Variants in MCC observed in about 807,000 individuals in gnomAD.
The protein encoded by MCC is colorectal mutant cancer protein.
A neutral mutation model predicts 116.2 loss-of-function variants in MCC; 90 were observed. The ratio of observed to expected loss-of-function variants is 0.77; its 90% confidence interval spans 0.65 to 0.92. MCC has a LOEUF of 0.92. Among genes scored for constraint, MCC ranks in the 40% least tolerant of loss-of-function variants. The pLI, the probability that MCC is intolerant of heterozygous loss-of-function variation, is 0.00. For synonymous variants in MCC, 578 were observed against 510.5 expected (o/e 1.13, Z -1.78); for missense variants, 1,516 against 1,312.2 (o/e 1.16, Z -2.40).
At chr5:113,321,188 T>G (rs1767414651) in intron 3 of MCC, among the ~76,000 whole-genome samples, 1 of 152,234 alleles carries the variant, frequency 6.6e-6, no homozygotes, top group Non-Finnish European at 1.5e-5. Context: ...AATATAGAAT[T>G]TCTGTTTTTA....
intron 1 of MCC, among the ~76,000 whole-genome samples, chr5:113,456,304 C>T (rs918635827): frequency 3.3e-5 from 5 of 152,162 alleles, no homozygotes; most frequent in Non-Finnish European, 7.3e-5. Flanking sequence ...GAAATTAAAT[C>T]CTTTTATATG....
At chr5:113,215,606 G>A (rs984590931) in intron 3 of MCC, among the ~76,000 whole-genome samples, 8 of 152,146 alleles carry the variant, frequency 5.3e-5, no homozygotes, top group African/African-American at 1.9e-4. Context: ...CCTTCTGCCT[G>A]CCATCAAGTG....
chr5:113,132,453 C>CATATAT (rs1561385323), intron 5 of MCC, among the ~76,000 whole-genome samples: 2 of 128,376 alleles, frequency 1.6e-5, no homozygotes, highest in African/African-American at 3.4e-5. Flanking sequence ...TACACACACA[C>CATATAT]ACACACACAC....
chr5:113,103,906 A>G (rs940364890), intron 7 of MCC, among the ~76,000 whole-genome samples: 1 of 152,204 alleles, frequency 6.6e-6, no homozygotes, highest in Non-Finnish European at 1.5e-5. Flanking sequence ...CCACTCTAAA[A>G]TGACGTGGTT....
intron 3 of MCC, among the ~76,000 whole-genome samples, chr5:113,202,587 C>T (rs1180873041): frequency 6.6e-6 from 1 of 152,128 alleles, no homozygotes; most frequent in Admixed American, 6.5e-5. Context: ...GACACAAAAA[C>T]ACACACGCTT....
At chr5:113,140,035 A>G (rs950718137) in intron 5 of MCC, among the ~76,000 whole-genome samples, 22 of 152,244 alleles carry the variant, frequency 1.4e-4, no homozygotes, top group Admixed American at 3.3e-4. Flanking sequence ...TCAAAGGTCT[A>G]TCCAGCATCT....
chr5:113,030,710 G>C (rs1750895433), intron 17 of MCC, among the ~76,000 whole-genome samples: 1 of 152,090 alleles, frequency 6.6e-6, no homozygotes, highest in African/African-American at 2.4e-5. Context: ...CCATGCACTG[G>C]CATGGGAGGA....
At chr5:113,421,000 T>A (rs1770318352) in intron 1 of MCC, among the ~76,000 whole-genome samples, 1 of 151,938 alleles carries the variant, frequency 6.6e-6, no homozygotes, top group Non-Finnish European at 1.5e-5. Flanking sequence ...TTACAATTAG[T>A]GGAAATTCCG....
chr5:113,378,506 T>G (rs954642851), intron 2 of MCC, among the ~76,000 whole-genome samples: 1 of 152,226 alleles, frequency 6.6e-6, no homozygotes. Flanking sequence ...CAGGTTGTTA[T>G]GTCTACTATC....
rs143249533 is a variant in MCC at position 113,093,872 on chromosome 5, C to T, written c.1398+7867G>A. Among the ~76,000 whole-genome samples, 857 of 152,230 alleles carry T rather than the reference C, an allele frequency of 5.6e-3. 7 individuals are homozygous for T. The highest frequency in any genetic ancestry group is 0.017 in the Middle Eastern group (5 of 294). ...AGCCTGTTCTGCTGATGATACGTAG[C>T]AGTACTCACTGGGTAGTTGTAATTT... is the stretch of plus-strand genomic sequence containing the variant. On this transcript the variant is annotated intron_variant, in intron 8 of 18. Transcript: ENST00000408903.
intron 1 of MCC, among the ~76,000 whole-genome samples, chr5:113,467,480 G>T (rs928372249): frequency 6.6e-6 from 1 of 152,166 alleles, no homozygotes; most frequent in Non-Finnish European, 1.5e-5. Flanking sequence ...GTTTATGAAA[G>T]ATCAGATAGT....
At chr5:113,340,874 C>T (rs139603196) in intron 2 of MCC, 144 bp from the exon 3 acceptor site, 49 of 667,340 alleles carry the variant, frequency 7.3e-5, no homozygotes, top group African/African-American at 5.8e-4. Context: ...GCATGCTAAG[C>T]GCTTTCTCTT....
chr5:113,443,157 T>C (rs1771096160), intron 1 of MCC, among the ~76,000 whole-genome samples: 1 of 147,974 alleles, frequency 6.8e-6, no homozygotes, highest in Non-Finnish European at 1.5e-5. Context: ...CATTTGTTTG[T>C]GTCCTCTCAT....
chr5:113,308,382 T>C (rs1276045084), intron 3 of MCC, among the ~76,000 whole-genome samples: 1 of 152,184 alleles, frequency 6.6e-6, no homozygotes, highest in African/African-American at 2.4e-5. Context: ...TATGACTGTA[T>C]CAGTATTAGA....
At chr5:113,158,331 A>G (rs780976571) in intron 3 of MCC, among the ~76,000 whole-genome samples, 17 of 152,172 alleles carry the variant, frequency 1.1e-4, no homozygotes, top group Non-Finnish European at 2.2e-4. Flanking sequence ...TCCAGTGACA[A>G]TGGGTAGTGC....
intron 3 of MCC, chr5:113,294,345 G>A (rs1280120613): frequency 1.2e-6 from 2 of 1,613,672 alleles, no homozygotes. Flanking sequence ...CAGCTCGGCC[G>A]AGGAGTCGTT....
chr5:113,269,592 G>A (rs1193390733), intron 3 of MCC, among the ~76,000 whole-genome samples: 1 of 152,190 alleles, frequency 6.6e-6, no homozygotes, highest in Non-Finnish European at 1.5e-5. Flanking sequence ...CCAACCTACA[G>A]TCACATGCTC....
In MCC at chr5:113,283,924, G is replaced by C. The variant is rs532493023; in HGVS notation, c.627+56595C>G. On this transcript the variant is annotated intron_variant, in intron 3 of 18. Transcript: ENST00000408903. Reference sequence around the variant, plus strand: ...TCCTCCTCAGCCTACTCTACATGAAGACGATGAAGATGAAGACCTTTATGA... The same window carrying C: ...TCCTCCTCAGCCTACTCTACATGAACACGATGAAGATGAAGACCTTTATGA... Among the ~76,000 whole-genome samples, 81 of 152,288 alleles carry C rather than the reference G, an allele frequency of 5.3e-4. 2 individuals are homozygous for C. Among genetic ancestry groups the C allele is most frequent in the African/African-American group, 1.7e-3 (72 of 41,544 alleles).
chr5:113,428,359 G>T (rs1269796160), intron 1 of MCC, among the ~76,000 whole-genome samples: 1 of 152,136 alleles, frequency 6.6e-6, no homozygotes, highest in Admixed American at 6.5e-5. Context: ...ACCGACTGAA[G>T]CATGTGTTCT....
Sources: allele counts gnomAD v4.1 joint callset (sites outside exome capture counted in the v4.1 genomes callset), GRCh38; gene constraint gnomAD v4.1.1; transcripts MANE v1.5; gene names NCBI Gene and HGNC (gene_info 2026-07-23, HGNC 2026-07-21).